MLH3: variants seen among roughly 807,000 people sequenced by gnomAD.
MLH3 encodes the protein DNA mismatch repair protein Mlh3.
Under a neutral mutation model 122.2 loss-of-function variants are expected in MLH3, and 82 were observed. The observed-to-expected ratio is 0.67, with a 90% CI of 0.56 to 0.81. MLH3 has a LOEUF of 0.81. Ranked by LOEUF, MLH3 falls within the 30% of genes least tolerant of loss-of-function variation. The probability of loss-of-function intolerance (pLI) is 0.00; values close to 1 mark genes in which losing one functional copy is unlikely to be tolerated. For missense variants in MLH3, 1,539 were observed against 1,714.5 expected, an observed-to-expected ratio of 0.90 and a Z score of 1.81; for synonymous variants, 524 against 599.5, an observed-to-expected ratio of 0.87 and a Z score of 1.84.
At position 75,031,995 on chromosome 14, in the gene MLH3, G is replaced by A. The variant is rs1183608204; in HGVS notation, c.3827+73C>T. The stretch of plus-strand genomic sequence containing the variant: ...GTCTCATCTGAGAAATGGAACAATA[G>A]TTATGCTTATTCCTCACAGAATTAT... On this transcript the variant is annotated intron_variant, in intron 8 of 12. Coordinates refer to ENST00000355774, the MANE Select transcript of MLH3 (RefSeq NM_001040108.2). 116 of 998,584 alleles carry A rather than the reference G, an allele frequency of 1.2e-4. 2 individuals are homozygous for A. The South Asian group carries it at 1.4e-3, about 12-fold the overall frequency. 61.9% of individuals were successfully genotyped at this position (998,584 alleles called of 1,614,324 possible).
chr14:75,013,863 T>C lies in MLH3; in HGVS notation c.*3219A>G, dbSNP rs944557735. Reference sequence around the variant, plus strand: ...TTTCCCCTCTTCTGGACCCACCTTTTTGCCATCTCACCGTTGATGAGCAGC... The same window carrying C: ...TTTCCCCTCTTCTGGACCCACCTTTCTGCCATCTCACCGTTGATGAGCAGC... On this transcript the variant is annotated 3_prime_UTR_variant, in exon 13 of 13. Coordinates refer to ENST00000355774, the MANE Select transcript of MLH3 (RefSeq NM_001040108.2). 23 of 219,730 alleles carry C rather than the reference T, an allele frequency of 1.0e-4. No homozygotes were observed. The highest frequency in any genetic ancestry group is 4.7e-4 in the African/African-American group (21 of 44,570). The allele number at this position is 219,730 out of a possible 1,614,324, so 13.6% of individuals were successfully genotyped here.
chr14:75,018,914 G>A lies in MLH3; in HGVS notation c.4157C>T (p.Ser1386Leu). ...AGCACACTGGAATGGCAGCTGGCATGAGGACAGAGCTTCAATAAGGCGGCA... is the reference window on the plus strand; with the variant it reads ...AGCACACTGGAATGGCAGCTGGCATAAGGACAGAGCTTCAATAAGGCGGCA... ...ESCRLIEALS[S>L]CQLPFQCAHG... Residue 1386 changes from serine (S) to leucine (L), a missense_variant, in exon 12 of 13, where the codon TCA becomes TTA. Physicochemically the swap from Ser to Leu is moderately radical, Grantham distance 145. Coordinates refer to ENST00000355774, the MANE Select transcript of MLH3 (RefSeq NM_001040108.2). The A allele has an allele frequency of 1.9e-5, 30 of 1,614,184 alleles. No individual in the cohort carries two copies. The highest frequency in any genetic ancestry group is 2.5e-5 in the Non-Finnish European group (30 of 1,180,024).
intron 6 of MLH3, among the ~76,000 whole-genome samples, chr14:75,035,001 T>G: frequency 7.8e-6 from 1 of 128,216 alleles, no homozygotes; most frequent in Non-Finnish European, 1.5e-5. Context: ...AAGGGGAGAC[T>G]GCAGTGAGCC....
Position 75,017,182 on chromosome 14 carries a change from T to A in MLH3, c.4262A>T (p.Lys1421Ile). 1.2e-6 allele frequency: 2 copies of A among 1,611,838 alleles called. No individual in the cohort carries two copies. The highest frequency in any genetic ancestry group is 2.2e-5 in the South Asian group (2 of 91,084). ...QEKQIKPNLT[K>I]LRKMAQAWRL... is the part of the protein sequence containing the mutation. The stretch of plus-strand genomic sequence containing the variant: ...CCAGGCCTGGGCCATTTTGCGAAGT[T>A]TAGTGAGGTTGGGTTTAATCTATGG... The change falls in exon 13 of 13, where the codon AAA becomes ATA. Residue 1421 changes from lysine to isoleucine, a missense_variant. Transcript: ENST00000355774.
intron 12 of MLH3, among the ~76,000 whole-genome samples, chr14:75,017,935 C>T (rs1439761017): frequency 2.6e-5 from 4 of 151,934 alleles, no homozygotes; most frequent in African/African-American, 4.8e-5. Context: ...CACCTGAGGT[C>T]GGGAGTTCGA....
intron 8 of MLH3, 142 bp from the exon 9 acceptor site, chr14:75,030,844 G>A: frequency 1.4e-6 from 1 of 693,898 alleles, no homozygotes; most frequent in Non-Finnish European, 2.5e-6. Context: ...ACACTTATGT[G>A]TGGGTGTTTG....
intron 2 of MLH3, among the ~76,000 whole-genome samples, chr14:75,044,883 AG>A (rs1458972127): frequency 2.0e-5 from 3 of 152,222 alleles, no homozygotes; most frequent in Admixed American, 1.3e-4. Context: ...TTATCCTCCT[AG>A]TGCAAAGCCA....
chr14:75,017,354 T>G (rs175050), intron 12 of MLH3, among the ~76,000 whole-genome samples, 153 bp from the exon 13 acceptor site: 1 of 152,038 alleles, frequency 6.6e-6, no homozygotes, highest in Non-Finnish European at 1.5e-5. Flanking sequence ...CTGGCCAATA[T>G]GGTGAAACCC....
At chr14:75,019,853 T>C (rs760056408) in intron 11 of MLH3, among the ~76,000 whole-genome samples, 2 of 152,168 alleles carry the variant, frequency 1.3e-5, no homozygotes, top group Non-Finnish European at 2.9e-5. Context: ...AGGCAGTTAG[T>C]GAGACAGATA....
At position 75,047,973 on chromosome 14, in the gene MLH3, T is replaced by A. The variant is rs1566606687; in HGVS notation, c.1683A>T (p.Gly561=). The A allele has an allele frequency of 1.9e-6, 3 of 1,614,184 alleles. No individual in the cohort carries two copies. The Admixed American group carries it at 5.0e-5, about 27-fold the overall frequency. ...PKRFKDATEV[G]CQPLPFATTL... ...TTGTTGCAAAAGGCAGAGGCTGGCATCCCACTTCAGTAGCATCTTTAAATC... is the reference window on the plus strand; with the variant it reads ...TTGTTGCAAAAGGCAGAGGCTGGCAACCCACTTCAGTAGCATCTTTAAATC... The change falls in exon 2 of 13, where the codon GGA becomes GGT. Residue 561 remains glycine, a synonymous_variant. Transcript: ENST00000355774.
intron 2 of MLH3, among the ~76,000 whole-genome samples, chr14:75,044,253 T>G (rs1892066802): frequency 6.6e-6 from 1 of 152,166 alleles, no homozygotes; most frequent in African/African-American, 2.4e-5. Flanking sequence ...AAAATATTTT[T>G]CATTAGGAAA....
intron 6 of MLH3, among the ~76,000 whole-genome samples, chr14:75,035,453 C>T (rs1246159417): frequency 1.3e-5 from 2 of 152,008 alleles, no homozygotes; most frequent in African/African-American, 4.8e-5. Context: ...ACCCAGGAGG[C>T]GGAGGTTGCA....
intron 12 of MLH3, 57 bp from the exon 13 acceptor site, chr14:75,017,258 G>C (rs949046433): frequency 5.1e-6 from 8 of 1,578,142 alleles, no homozygotes; most frequent in African/African-American, 1.4e-5. Flanking sequence ...TAGCATACAG[G>C]CTGGGCGAGG....
chr14:75,040,027 C>G lies in MLH3; in HGVS notation c.3466-12G>C. 1.4e-6 allele frequency: 2 copies of G among 1,416,072 alleles called. No homozygotes were observed. The allele number at this position is 1,416,072 out of a possible 1,614,324, so 87.7% of individuals were successfully genotyped here. ...ACATCAACAGCAACCTAGAAAGACT[C>G]AGCAAAATATAATTGAAATTTTAAT... On this transcript the variant is annotated splice_polypyrimidine_tract_variant and intron_variant, in intron 4 of 12. Coordinates refer to ENST00000355774, the MANE Select transcript of MLH3 (RefSeq NM_001040108.2).
At position 75,048,232 on chromosome 14, in the gene MLH3, G is replaced by T. The variant is rs376219506; in HGVS notation, c.1424C>A (p.Thr475Lys). 1 of 1,613,688 alleles carries T rather than the reference G, an allele frequency of 6.2e-7. No individual in the cohort carries two copies. ...CSESKMLEQETIVASEAGENE... is the reference protein window; with the variant it reads ...CSESKMLEQEKIVASEAGENE... ...TTCTCCAGCTTCTGATGCTACAATT[G>T]TCTCTTGTTCTAACATCTTTGATTC... Residue 475 changes from threonine (T) to lysine (K), a missense_variant, in exon 2 of 13, where the codon ACA (threonine) becomes AAA (lysine). Physicochemically the swap from Thr to Lys is moderately conservative, Grantham distance 78 (BLOSUM62 -1). Coordinates refer to ENST00000355774, the MANE Select transcript of MLH3 (RefSeq NM_001040108.2).
In MLH3 at chr14:75,047,583, A is replaced by T. The variant is rs376719265; in HGVS notation, c.2073T>A (p.Tyr691Ter). 1 of 1,613,958 alleles carries T rather than the reference A, an allele frequency of 6.2e-7. No individual in the cohort carries two copies. Among genetic ancestry groups the T allele is most frequent in the Non-Finnish European group, 8.5e-7 (1 of 1,180,032 alleles). The change falls in exon 2 of 13, where the codon TAT becomes TAA. Residue 691 changes from tyrosine to a stop codon, truncating the protein, a stop_gained. Coordinates refer to ENST00000355774, the MANE Select transcript of MLH3 (RefSeq NM_001040108.2). LOFTEE classifies it high-confidence loss of function. ...CTTCCTGAAAAGCAGAAAACATTGT[A>T]TAAGTTGCTGTAGGTTCATTCTCTA... The part of the protein sequence containing the change: ...YGLENEPTAT[Y>*]TMFSAFQEGS...
intron 5 of MLH3, 135 bp from the exon 6 acceptor site, chr14:75,038,547 G>A (rs927232138): frequency 7.5e-5 from 52 of 690,748 alleles, no homozygotes; most frequent in Middle Eastern, 2.5e-4. Flanking sequence ...ACTGGGTAAG[G>A]TTCTGATGAA....
Position 75,046,954 on chromosome 14 carries a change from T to C in MLH3, c.2702A>G (p.Asn901Ser), listed in dbSNP as rs765659454. 7 of 1,614,058 alleles carry C rather than the reference T, an allele frequency of 4.3e-6. No homozygotes were observed. The highest frequency in any genetic ancestry group is 5.1e-6 in the Non-Finnish European group (6 of 1,180,042). Residue 901 changes from asparagine to serine, a missense_variant, in exon 2 of 13, where the codon AAT becomes AGT. By Grantham distance (46) the Asn-to-Ser change is conservative. Transcript: ENST00000355774. ...GCTGTCTTTCCTACTGGAATCTGAA[T>C]TTGGAAGTTCATTAAAACGACTCAT... ...GMMSRFNELP[N>S]SDSSRKDSKL...
At chr14:75,042,814 C>T (rs576562345) in intron 2 of MLH3, among the ~76,000 whole-genome samples, 12 of 150,982 alleles carry the variant, frequency 7.9e-5, no homozygotes, top group South Asian at 2.1e-4. Flanking sequence ...CTCGCTCTGT[C>T]GCCCGGGCTG....
Sources: allele counts gnomAD v4.1 joint callset (sites outside exome capture counted in the v4.1 genomes callset), GRCh38; gene constraint gnomAD v4.1.1; transcripts MANE v1.5; gene names NCBI Gene and HGNC (gene_info 2026-07-23, HGNC 2026-07-21).